FMN1: variants seen among roughly 807,000 people sequenced by gnomAD.
FMN1 encodes the protein formin-1.
Under a neutral mutation model 132.4 loss-of-function variants are expected in FMN1, and 110 were observed. The observed-to-expected ratio is 0.83, with a 90% CI of 0.71 to 0.97. FMN1 has a LOEUF of 0.97. FMN1 is among the 50% of genes least tolerant of loss of function. The pLI is 0.00. For missense variants in FMN1, 1,792 were observed against 1,705.3 expected (o/e 1.05, Z -0.90); for synonymous variants, 722 against 651.7 (o/e 1.11, Z -1.64).
At chr15:33,034,716 G>A (rs2036110279) in intron 6 of FMN1, among the ~76,000 whole-genome samples, 1 of 151,988 alleles carries the variant, frequency 6.6e-6, no homozygotes, top group Non-Finnish European at 1.5e-5. Flanking sequence ...TACAGTCCAA[G>A]CCACCACCTC....
intron 6 of FMN1, chr15:33,063,773 A>AAC (rs1324408346): frequency 3.9e-5 from 6 of 152,250 alleles, no homozygotes; most frequent in African/African-American, 1.4e-4. Flanking sequence ...AATTACCTAG[A>AAC]ACATCCTTAT....
intron 6 of FMN1, among the ~76,000 whole-genome samples, chr15:33,014,756 A>G (rs1268680441): frequency 3.9e-5 from 6 of 152,212 alleles, no homozygotes; most frequent in Non-Finnish European, 8.8e-5. Flanking sequence ...TCAGTTCACA[A>G]TAACAAAACA....
At chr15:33,052,747 C>T (rs532258022) in intron 6 of FMN1, among the ~76,000 whole-genome samples, 1 of 152,344 alleles carries the variant, frequency 6.6e-6, no homozygotes, top group Admixed American at 6.5e-5. Context: ...TTGGACCAGA[C>T]TGAGAACTTA....
At chr15:32,899,823 G>A in intron 14 of FMN1, 156 bp downstream of exon 14, 1 of 759,378 alleles carries the variant, frequency 1.3e-6, no homozygotes, top group Non-Finnish European at 2.1e-6. Flanking sequence ...ATTCGAAAGT[G>A]AAAAGAAAGC....
At chr15:33,111,449 G>A (rs186458025) in intron 4 of FMN1, among the ~76,000 whole-genome samples, 104 of 152,208 alleles carry the variant, frequency 6.8e-4, no homozygotes, top group African/African-American at 2.3e-3. Flanking sequence ...TCAAGAATTA[G>A]AATACAACTC....
At chr15:33,012,598 A>G in intron 6 of FMN1, 5 of 1,169,792 alleles carry the variant, frequency 4.3e-6, no homozygotes, top group South Asian at 3.6e-5. Context: ...TGTGGATAAG[A>G]CTGTCGTTCA....
At position 32,908,526 on chromosome 15, in the gene FMN1, T is replaced by C. The variant is rs756376877; in HGVS notation, c.3341A>G (p.Lys1114Arg). 3.1e-5 allele frequency: 50 copies of C among 1,612,796 alleles called. No homozygotes were observed. In the East Asian group the frequency reaches 9.8e-4, roughly 32 times the overall value. ...ATCCAGCAGCTTCAGTTCTTCTTCT[T>C]TGGATGTCTCGTAATACTTTCTTAT... ...VKIRKYYETS[K>R]EEELKLLDKP... Residue 1114 changes from lysine to arginine, a missense_variant, in exon 12 of 21, where the codon AAA becomes AGA. Coordinates refer to ENST00000616417, the MANE Select transcript of FMN1 (RefSeq NM_001277313.2).
intron 3 of FMN1, among the ~76,000 whole-genome samples, chr15:33,171,945 C>T (rs1453125335): frequency 2.0e-5 from 3 of 152,026 alleles, no homozygotes; most frequent in African/African-American, 4.8e-5. Flanking sequence ...CGCGGTGGCT[C>T]ACGCCTGTAA....
At chr15:32,952,937 T>C (rs1363039527) in intron 9 of FMN1, among the ~76,000 whole-genome samples, 1 of 152,160 alleles carries the variant, frequency 6.6e-6, no homozygotes, top group Non-Finnish European at 1.5e-5. Flanking sequence ...CTCACGTCCG[T>C]GTCAAATTAG....
chr15:32,956,312 C>G (rs543108756), intron 9 of FMN1, among the ~76,000 whole-genome samples: 1 of 151,920 alleles, frequency 6.6e-6, no homozygotes, highest in African/African-American at 2.4e-5. Context: ...TCAGATGCAG[C>G]ATTCTGAAAG....
At chr15:32,931,201 G>A (rs190654732) in intron 9 of FMN1, among the ~76,000 whole-genome samples, 1 of 152,164 alleles carries the variant, frequency 6.6e-6, no homozygotes, top group Non-Finnish European at 1.5e-5. Flanking sequence ...ACAAATTTTA[G>A]GATTGTTTTT....
At chr15:32,948,215 TTTAA>T (rs1297224337) in intron 9 of FMN1, among the ~76,000 whole-genome samples, 5 of 152,154 alleles carry the variant, frequency 3.3e-5, no homozygotes, top group African/African-American at 9.6e-5. Flanking sequence ...CTATTAACAT[TTTAA>T]TTATTTATAA....
chr15:33,067,407 C>CGA (rs1566885458), intron 5 of FMN1: 1 of 1,613,996 alleles, frequency 6.2e-7, no homozygotes, highest in African/African-American at 1.3e-5. Context: ...GTGCTGCTTC[C>CGA]CTCCTCTGGC....
rs189686373 is a variant in FMN1, at chr15:33,085,571, A to G, written c.2043+3228T>C. 9.7e-3 allele frequency among the ~76,000 whole-genome samples: 1,443 copies of G among 149,374 alleles called. 14 individuals carry two copies. Among genetic ancestry groups the G allele is most frequent in the Non-Finnish European group, 0.017 (1,131 of 67,474 alleles). The stretch of plus-strand genomic sequence containing the variant: ...TAAAATTATACATATATACATATGC[A>G]TAATTTATATATCATATATGTAATA... On this transcript the variant is annotated intron_variant, in intron 5 of 20. Coordinates refer to ENST00000616417, the MANE Select transcript of FMN1 (RefSeq NM_001277313.2).
intron 4 of FMN1, among the ~76,000 whole-genome samples, chr15:33,095,758 A>G (rs1048304305): frequency 3.3e-5 from 5 of 152,276 alleles, no homozygotes; most frequent in Non-Finnish European, 7.4e-5. Flanking sequence ...TTTCCCTTTT[A>G]TGTCACATTA....
At position 32,771,497 on chromosome 15, in the gene FMN1, G is replaced by T. The variant is rs571623450; in HGVS notation, c.*2813C>A. ...CTGTCAATTGCTCATGCAAGAATCT[G>T]AACTACTGTCAAACTGTGTCCTCAG... On this transcript the variant is annotated 3_prime_UTR_variant, in exon 21 of 21. Coordinates refer to ENST00000616417, the MANE Select transcript of FMN1 (RefSeq NM_001277313.2). 33 of 152,338 alleles carry T rather than the reference G, an allele frequency of 2.2e-4. No homozygotes were observed. Among genetic ancestry groups the T allele is most frequent in the African/African-American group, 6.0e-4 (25 of 41,584 alleles). The allele number at this position is 152,338 out of a possible 1,614,324, so 9.4% of individuals were successfully genotyped here. A position where few individuals can be genotyped will look rare whatever the true frequency, so the allele number is the denominator to read the frequency against.
Position 33,154,920 on chromosome 15 carries a change from C to T in FMN1, c.-6G>A. Reference sequence around the variant, plus strand: ...GTACAATGAGTGCCTTCCATTATGCCTACCTAATTATTCATGCCTTGGAGA... The same window carrying T: ...GTACAATGAGTGCCTTCCATTATGCTTACCTAATTATTCATGCCTTGGAGA... On this transcript the variant is annotated 5_prime_UTR_variant, in exon 4 of 21. Coordinates refer to ENST00000616417, the MANE Select transcript of FMN1 (RefSeq NM_001277313.2). 1 of 1,522,744 alleles carries T rather than the reference C, an allele frequency of 6.6e-7. No individual in the cohort carries two copies. 94.3% of individuals were successfully genotyped at this position (1,522,744 alleles called of 1,614,324 possible). A position where few individuals can be genotyped will look rare whatever the true frequency, so the allele number is the denominator to read the frequency against.
At chr15:33,157,263 C>G (rs1200326226) in intron 3 of FMN1, among the ~76,000 whole-genome samples, 1 of 120,446 alleles carries the variant, frequency 8.3e-6, no homozygotes, top group Non-Finnish European at 1.8e-5. Flanking sequence ...GACTCCATCT[C>G]AAAAAAAAAA....
At chr15:33,083,682 C>A (rs2038577376) in intron 5 of FMN1, among the ~76,000 whole-genome samples, 1 of 152,148 alleles carries the variant, frequency 6.6e-6, no homozygotes, top group Non-Finnish European at 1.5e-5. Flanking sequence ...GACGTTTGAA[C>A]CACAGCGACT....
Sources: allele counts gnomAD v4.1 joint callset (sites outside exome capture counted in the v4.1 genomes callset), GRCh38; gene constraint gnomAD v4.1.1; transcripts MANE v1.5; gene names NCBI Gene and HGNC (gene_info 2026-07-23, HGNC 2026-07-21).